Variants in RNLS observed in about 807,000 individuals in gnomAD.
RNLS encodes the protein renalase.
In RNLS, 39 loss-of-function variants were observed where a neutral mutation model predicts 39.8. The observed-to-expected ratio is 0.98, with a 90% CI of 0.76 to 1.28. The LOEUF is 1.28. RNLS is among the 50% of genes most tolerant of loss of function. The pLI is 0.00. For missense variants in RNLS, 410 were observed against 413.3 expected (o/e 0.99, Z 0.07); for synonymous variants, 147 against 150.7 (o/e 0.98, Z 0.18).
At chr10:88,508,738 C>T (rs190388601) in intron 4 of RNLS, among the ~76,000 whole-genome samples, 1 of 152,126 alleles carries the variant, frequency 6.6e-6, no homozygotes, top group Admixed American at 6.6e-5. Flanking sequence ...ACTGCTTTCC[C>T]AATATTCTAC....
intron 6 of RNLS, among the ~76,000 whole-genome samples, chr10:88,286,650 A>T (rs538278773): frequency 2.0e-5 from 3 of 152,202 alleles, no homozygotes; most frequent in South Asian, 4.1e-4. Flanking sequence ...CAGTGTTTTC[A>T]TGGATAGTAA....
chr10:88,231,222 T>G, the RNLS span, among the ~76,000 whole-genome samples: 1 of 152,232 alleles, frequency 6.6e-6, no homozygotes, highest in Non-Finnish European at 1.5e-5. Flanking sequence ...AATGAGGTCA[T>G]TAGGTTAAGC....
At chr10:88,231,513 C>A in the RNLS span, among the ~76,000 whole-genome samples, 1 of 152,166 alleles carries the variant, frequency 6.6e-6, no homozygotes, top group African/African-American at 2.4e-5. Flanking sequence ...ACCTCAGTCA[C>A]CTCATCTGTA....
At chr10:88,542,830 A>G (rs1848118075) in intron 4 of RNLS, among the ~76,000 whole-genome samples, 1 of 152,168 alleles carries the variant, frequency 6.6e-6, no homozygotes, top group South Asian at 2.1e-4. Flanking sequence ...TTTACAAGAA[A>G]TAAGATAAGC....
rs74146689 is a variant in RNLS, at chr10:88,285,726, A to T, written c.877-220T>A. Among the ~76,000 whole-genome samples, 10,579 of 152,102 alleles carry T rather than the reference A, an allele frequency of 0.07. 558 individuals carry two copies. Among genetic ancestry groups the T allele is most frequent in the African/African-American group, 0.15 (6,126 of 41,474 alleles). ...TCAAGTGTTTATATTTATATTCTTA[A>T]ATGTTTAAATTTTCAGTTATTAGAT... is the stretch of plus-strand genomic sequence containing the variant. On this transcript the variant is annotated intron_variant, in intron 6 of 6. Coordinates refer to ENST00000331772, the MANE Select transcript of RNLS (RefSeq NM_001031709.3).
intron 4 of RNLS, among the ~76,000 whole-genome samples, chr10:88,420,728 C>T (rs990350082): frequency 1.3e-5 from 2 of 152,182 alleles, no homozygotes; most frequent in South Asian, 4.1e-4. Flanking sequence ...TTACAGATTC[C>T]AAAGGTCATA....
At chr10:88,235,312 A>C in the RNLS span, among the ~76,000 whole-genome samples, 1 of 149,912 alleles carries the variant, frequency 6.7e-6, no homozygotes, top group African/African-American at 2.4e-5. Context: ...CCTAACATGG[A>C]TCCAAAATGA....
the RNLS span, among the ~76,000 whole-genome samples, chr10:88,179,793 A>T: frequency 2.6e-4 from 40 of 152,234 alleles, no homozygotes; most frequent in Non-Finnish European, 4.6e-4. Context: ...GTCTATTCTT[A>T]GGTAGAAATC....
intron 3 of RNLS, among the ~76,000 whole-genome samples, chr10:88,574,441 T>C (rs1850033859): frequency 6.6e-6 from 1 of 152,206 alleles, no homozygotes; most frequent in Non-Finnish European, 1.5e-5. Flanking sequence ...CCTTCCTCTC[T>C]ATGATATTCT....
chr10:88,378,893 G>T (rs1564748053), intron 4 of RNLS, among the ~76,000 whole-genome samples: 1 of 152,024 alleles, frequency 6.6e-6, no homozygotes, highest in Non-Finnish European at 1.5e-5. Context: ...ACCTTCAGAG[G>T]GTGAAGGAGA....
chr10:88,305,672 C>A lies in RNLS; in HGVS notation c.876+8794G>T, dbSNP rs78838782. On this transcript the variant is annotated intron_variant, in intron 6 of 6. Coordinates refer to ENST00000331772, the MANE Select transcript of RNLS (RefSeq NM_001031709.3). ...CACCCAATACAGGAGCACCTAGATG[C>A]ATAAATCAAGTTCTTAGATACTTTC... Among the ~76,000 whole-genome samples, 33 of 152,288 alleles carry A rather than the reference C, an allele frequency of 2.2e-4. No individual in the cohort carries two copies. The East Asian group carries it at 4.4e-3, about 20-fold the overall frequency.
chr10:88,266,542 T>C, the RNLS span, among the ~76,000 whole-genome samples: 1 of 152,146 alleles, frequency 6.6e-6, no homozygotes, highest in Non-Finnish European at 1.5e-5. Flanking sequence ...CTTTGTAAAG[T>C]GTAGAATTAT....
intron 4 of RNLS, among the ~76,000 whole-genome samples, chr10:88,457,947 G>T (rs753363170): frequency 6.6e-6 from 1 of 152,206 alleles, no homozygotes; most frequent in Non-Finnish European, 1.5e-5. Context: ...AGCAATCAAT[G>T]TGCTGACCTT....
At chr10:88,325,405 C>T (rs984132774) in intron 5 of RNLS, among the ~76,000 whole-genome samples, 4 of 152,038 alleles carry the variant, frequency 2.6e-5, no homozygotes, top group Admixed American at 6.6e-5. Context: ...GTCAGGACAC[C>T]GAATGTTGAT....
intron 4 of RNLS, among the ~76,000 whole-genome samples, chr10:88,460,323 C>G (rs946781345): frequency 3.3e-5 from 5 of 152,126 alleles, no homozygotes; most frequent in Non-Finnish European, 7.3e-5. Context: ...TTGTGAAATA[C>G]AAAGAGAATA....
chr10:88,426,648 T>C (rs1187479695), intron 4 of RNLS, among the ~76,000 whole-genome samples: 3 of 152,104 alleles, frequency 2.0e-5, no homozygotes, highest in Non-Finnish European at 4.4e-5. Flanking sequence ...ATGCTTTGCA[T>C]GTATTAACTC....
chr10:88,264,873 C>A, the RNLS span, among the ~76,000 whole-genome samples: 7 of 152,118 alleles, frequency 4.6e-5, no homozygotes, highest in African/African-American at 1.7e-4. Flanking sequence ...GTTTTTGTTG[C>A]GATTGCTTTT....
intron 4 of RNLS, among the ~76,000 whole-genome samples, chr10:88,471,610 T>C (rs753670012): frequency 6.6e-6 from 1 of 152,160 alleles, no homozygotes; most frequent in Non-Finnish European, 1.5e-5. Context: ...TGATGATTCA[T>C]GAGAAGAACT....
At chr10:88,298,617 A>G (rs1371677475) in intron 6 of RNLS, among the ~76,000 whole-genome samples, 1 of 152,204 alleles carries the variant, frequency 6.6e-6, no homozygotes, top group Non-Finnish European at 1.5e-5. Context: ...TGTTCTTAAG[A>G]ATATTGTCAT....
Sources: gnomAD v4.1 joint callset for allele counts (sites outside exome capture counted in the v4.1 genomes callset) on GRCh38, gnomAD v4.1.1 for gene constraint, MANE v1.5 for transcripts, NCBI Gene and HGNC (gene_info 2026-07-23, HGNC 2026-07-21) for gene names.